SEC24D: variants seen among roughly 807,000 people sequenced by gnomAD.
SEC24D encodes the protein protein transport protein Sec24D.
SEC24D carries 69 observed loss-of-function variants against 116.9 expected under a neutral mutation model. That is an observed-to-expected ratio of 0.59 (90% CI 0.49 to 0.72). SEC24D has a LOEUF of 0.72. Among genes scored for constraint, SEC24D ranks in the 30% least tolerant of loss-of-function variants. The probability of loss-of-function intolerance (pLI) is 0.00; values close to 1 mark genes in which losing one functional copy is unlikely to be tolerated. For missense variants in SEC24D, 1,131 were observed against 1,264.1 expected (o/e 0.89, Z 1.60); for synonymous variants, 405 against 442.8 (o/e 0.91, Z 1.07).
At chr4:118,830,990 A>T (rs1260657138) in intron 2 of SEC24D, among the ~76,000 whole-genome samples, 5 of 152,152 alleles carry the variant, frequency 3.3e-5, no homozygotes, top group Non-Finnish European at 7.3e-5. Flanking sequence ...TGGGAGACCG[A>T]TTACATTGGA....
intron 20 of SEC24D, among the ~76,000 whole-genome samples, chr4:118,732,259 C>CA (rs1374928210): frequency 2.6e-5 from 4 of 152,070 alleles, no homozygotes; most frequent in Non-Finnish European, 4.4e-5. Context: ...CTCAGCCCCC[C>CA]ACGAGTAGCT....
At chr4:118,761,074 T>C (rs948631178) in intron 10 of SEC24D, among the ~76,000 whole-genome samples, 5 of 152,186 alleles carry the variant, frequency 3.3e-5, no homozygotes, top group Middle Eastern at 3.4e-3. Flanking sequence ...TTTCTCATAG[T>C]TGGACAACTA....
chr4:118,737,881 C>T (rs1578382953), intron 19 of SEC24D, among the ~76,000 whole-genome samples: 1 of 152,030 alleles, frequency 6.6e-6, no homozygotes, highest in Non-Finnish European at 1.5e-5. Context: ...TTACTGCCAT[C>T]AGCTCATGTC....
intron 8 of SEC24D, among the ~76,000 whole-genome samples, chr4:118,789,264 A>T (rs1728787611): frequency 6.6e-6 from 1 of 152,248 alleles, no homozygotes; most frequent in Non-Finnish European, 1.5e-5. Flanking sequence ...TGACATGGTC[A>T]TAGTGAATAA....
At chr4:118,789,824 T>C (rs1052453507) in intron 8 of SEC24D, among the ~76,000 whole-genome samples, 1 of 152,198 alleles carries the variant, frequency 6.6e-6, no homozygotes, top group African/African-American at 2.4e-5. Flanking sequence ...GACCTCGTGA[T>C]CCACCCACCT....
At chr4:118,770,656 C>T (rs1341162456) in intron 8 of SEC24D, among the ~76,000 whole-genome samples, 1 of 152,184 alleles carries the variant, frequency 6.6e-6, no homozygotes, top group Non-Finnish European at 1.5e-5. Flanking sequence ...ATATGCTAGA[C>T]AAGCCAAAAG....
Position 118,752,772 on chromosome 4 carries a change from T to A in SEC24D, c.1538A>T (p.Asp513Val). The A allele has an allele frequency of 6.2e-7, 1 of 1,612,242 alleles. No individual in the cohort carries two copies. The highest frequency in any genetic ancestry group is 8.5e-7 in the Non-Finnish European group (1 of 1,179,236). Residue 513 changes from aspartate (D) to valine (V), a missense_variant, in exon 12 of 23, where the codon GAT becomes GTT. Physicochemically the swap from Asp to Val is radical, Grantham distance 152. Coordinates refer to ENST00000280551, the MANE Select transcript of SEC24D (RefSeq NM_014822.4). ...LAQPQMMVVT[D>V]VGEVFVPLLD... ...CAAAGGAACAAAGACTTCTCCAACA[T>A]CAGTCACCACCATCATCTGAGGCTG...
chr4:118,752,321 T>C lies in SEC24D; in HGVS notation c.1614-232A>G, dbSNP rs554960672. Among the ~76,000 whole-genome samples the C allele has an allele frequency of 2.0e-5, 3 of 152,342 alleles. No homozygotes were observed. In the South Asian group the frequency reaches 6.2e-4, roughly 32 times the overall value. ...CTTTGTAGATATTTTTTCTATTCACTGCAATACTGATCTCTTAGACCATAA... is the reference window on the plus strand; with the variant it reads ...CTTTGTAGATATTTTTTCTATTCACCGCAATACTGATCTCTTAGACCATAA... On this transcript the variant is annotated intron_variant, in intron 12 of 22. Coordinates refer to ENST00000280551, the MANE Select transcript of SEC24D (RefSeq NM_014822.4).
At chr4:118,810,070 GTAGC>G (rs1410637936) in intron 6 of SEC24D, among the ~76,000 whole-genome samples, 1 of 143,288 alleles carries the variant, frequency 7.0e-6, no homozygotes, top group African/African-American at 2.6e-5. Context: ...CAGGTCAGAG[GTAGC>G]TGTGTGTGTG....
intron 4 of SEC24D, 44 bp downstream of exon 4, chr4:118,817,220 C>A: frequency 6.7e-7 from 1 of 1,493,098 alleles, no homozygotes. Flanking sequence ...TAAAAATGAC[C>A]AGGACACAAG....
intron 7 of SEC24D, among the ~76,000 whole-genome samples, chr4:118,803,245 AAAT>A (rs1245274441): frequency 6.6e-6 from 1 of 152,320 alleles, no homozygotes; most frequent in East Asian, 1.9e-4. Flanking sequence ...AAAATGGTTA[AAAT>A]AATAAATTTT....
chr4:118,815,228 T>A, intron 5 of SEC24D, 73 bp from the exon 6 acceptor site: 1 of 1,551,628 alleles, frequency 6.4e-7, no homozygotes, highest in Non-Finnish European at 8.8e-7. Flanking sequence ...GACGATATTA[T>A]GCTGTTCAGT....
intron 10 of SEC24D, among the ~76,000 whole-genome samples, chr4:118,762,890 A>C (rs1285284422): frequency 6.6e-6 from 1 of 152,190 alleles, no homozygotes; most frequent in Non-Finnish European, 1.5e-5. Flanking sequence ...TTGTTCCCAG[A>C]AACAGATTTG....
chr4:118,799,171 T>C (rs1239061586), intron 7 of SEC24D, among the ~76,000 whole-genome samples: 1 of 152,190 alleles, frequency 6.6e-6, no homozygotes, highest in East Asian at 1.9e-4. Context: ...ATTCTGGATA[T>C]ATTTCAAAGG....
chr4:118,815,848 A>T, intron 4 of SEC24D, 122 bp from the exon 5 acceptor site: 1 of 1,075,130 alleles, frequency 9.3e-7, no homozygotes, highest in Admixed American at 2.5e-5. Flanking sequence ...CCTTAGAAAC[A>T]CATGTTTGGG....
rs1366135862 is a variant in SEC24D at position 118,795,647 on chromosome 4, C to G, written c.1041+2036G>C. Among the ~76,000 whole-genome samples the G allele has an allele frequency of 2.6e-5, 4 of 152,104 alleles. No individual in the cohort carries two copies. The South Asian group carries it at 8.3e-4, about 32-fold the overall frequency. Reference sequence around the variant, plus strand: ...TAAAACGTTATGCTGAGTAAGAGAACCTTTGTACAAAATAGAGCATACTTT... The same window carrying G: ...TAAAACGTTATGCTGAGTAAGAGAAGCTTTGTACAAAATAGAGCATACTTT... On this transcript the variant is annotated intron_variant, in intron 8 of 22. Transcript: ENST00000280551.
intron 6 of SEC24D, 48 bp downstream of exon 6, chr4:118,814,980 T>G: frequency 6.3e-7 from 1 of 1,594,744 alleles, no homozygotes; most frequent in South Asian, 1.1e-5. Context: ...CTGAGAAAAA[T>G]TAATGCTCCT....
chr4:118,758,928 C>A (rs767941268), intron 10 of SEC24D, among the ~76,000 whole-genome samples: 33 of 152,164 alleles, frequency 2.2e-4, no homozygotes, highest in African/African-American at 8.0e-4. Context: ...ATTTTTATTG[C>A]AAATCATTCC....
chr4:118,767,717 A>G (rs570190003), intron 9 of SEC24D, among the ~76,000 whole-genome samples: 1 of 152,092 alleles, frequency 6.6e-6, no homozygotes, highest in Non-Finnish European at 1.5e-5. Flanking sequence ...TTTACATCGG[A>G]GTGAAAAAAA....
Sources: gnomAD v4.1 joint callset for allele counts (sites outside exome capture counted in the v4.1 genomes callset) on GRCh38, gnomAD v4.1.1 for gene constraint, MANE v1.5 for transcripts, NCBI Gene and HGNC (gene_info 2026-07-23, HGNC 2026-07-21) for gene names.